The following DPH6 variants were observed in gnomAD, a reference collection of about 807,000 sequenced individuals.
The protein encoded by DPH6 is diphthamine biosynthesis 6.
Under a neutral mutation model 38.2 loss-of-function variants are expected in DPH6, and 33 were observed. The observed-to-expected ratio is 0.86, with a 90% confidence interval of 0.65 to 1.15. The LOEUF is 1.15. DPH6 is among the 50% of genes most tolerant of loss of function. The pLI is 0.00. For missense variants in DPH6, 325 were observed against 320.0 expected, an observed-to-expected ratio of 1.02 and a Z score of -0.12; for synonymous variants, 108 against 103.0, an observed-to-expected ratio of 1.05 and a Z score of -0.30.
At chr15:35,538,732 AT>A (rs1366781780) in intron 2 of DPH6, among the ~76,000 whole-genome samples, 6 of 152,196 alleles carry the variant, frequency 3.9e-5, no homozygotes, top group Non-Finnish European at 5.9e-5. Flanking sequence ...TGTACCATAT[AT>A]GGTAAACATT....
intron 3 of DPH6, among the ~76,000 whole-genome samples, chr15:35,351,622 G>C (rs538387136): frequency 6.6e-6 from 1 of 151,734 alleles, no homozygotes; most frequent in Non-Finnish European, 1.5e-5. Flanking sequence ...GGTTACATCA[G>C]TCTGTTTTAA....
At chr15:35,292,086 T>C (rs2051984091) in intron 3 of DPH6, among the ~76,000 whole-genome samples, 3 of 152,108 alleles carry the variant, frequency 2.0e-5, no homozygotes, top group Admixed American at 2.0e-4. Context: ...AAAGGAGAAG[T>C]AGTGTAAAAA....
At chr15:35,280,223 T>A (rs1392595950) in intron 3 of DPH6, among the ~76,000 whole-genome samples, 1 of 152,260 alleles carries the variant, frequency 6.6e-6, no homozygotes, top group African/African-American at 2.4e-5. Context: ...CAATTCATAG[T>A]AGCCTTCTGA....
At chr15:35,305,765 A>G (rs2052085575) in intron 3 of DPH6, among the ~76,000 whole-genome samples, 1 of 152,316 alleles carries the variant, frequency 6.6e-6, no homozygotes, top group African/African-American at 2.4e-5. Flanking sequence ...GCCATCAACC[A>G]GAAGACACAA....
chr15:35,520,914 C>T, intron 3 of DPH6: 1 of 985,192 alleles, frequency 1.0e-6, no homozygotes, highest in Non-Finnish European at 1.2e-6. Flanking sequence ...TTTTGTCACT[C>T]TCAAAATTCC....
chr15:35,461,584 C>T (rs78070523), intron 3 of DPH6, among the ~76,000 whole-genome samples: 3 of 139,370 alleles, frequency 2.2e-5, no homozygotes, highest in Admixed American at 1.4e-4. Flanking sequence ...TAGTTGTGAT[C>T]TTTTTTTTTT....
At chr15:35,445,813 A>G (rs953322742) in intron 5 of DPH6, among the ~76,000 whole-genome samples, 4 of 152,232 alleles carry the variant, frequency 2.6e-5, no homozygotes, top group Admixed American at 6.5e-5. Context: ...GCCAACTTAC[A>G]TTGCCACTGC....
chr15:35,200,212 G>C, the DPH6 span, among the ~76,000 whole-genome samples: 2 of 152,022 alleles, frequency 1.3e-5, no homozygotes, highest in Non-Finnish European at 2.9e-5. Context: ...TATAATTTAA[G>C]GGAGATTTGT....
downstream of DPH6, chr15:35,365,941 C>A: frequency 1.0e-6 from 1 of 985,268 alleles, no homozygotes; most frequent in Non-Finnish European, 1.2e-6. Context: ...TACCTTGCTC[C>A]ATCTTGACAA....
the DPH6 span, among the ~76,000 whole-genome samples, chr15:35,154,767 T>C: frequency 1.3e-5 from 2 of 152,182 alleles, no homozygotes; most frequent in South Asian, 2.1e-4. Context: ...CTTTTACTCA[T>C]AGTAGCCTTA....
At chr15:35,456,580 A>G (rs2054000377) in intron 3 of DPH6, among the ~76,000 whole-genome samples, 1 of 151,356 alleles carries the variant, frequency 6.6e-6, no homozygotes, top group African/African-American at 2.4e-5. Context: ...CTCCGCCTCC[A>G]GGGTTCAAGC....
intron 6 of DPH6, chr15:35,401,097 C>T: frequency 2.2e-6 from 2 of 902,186 alleles, no homozygotes; most frequent in Non-Finnish European, 3.7e-6. Flanking sequence ...GGGGCTTTGC[C>T]TTTGTAACCT....
At chr15:35,449,370 A>G (rs1187466767) in intron 5 of DPH6, among the ~76,000 whole-genome samples, 1 of 152,104 alleles carries the variant, frequency 6.6e-6, no homozygotes, top group Non-Finnish European at 1.5e-5. Flanking sequence ...GAAAGAACAC[A>G]CAATATCGGT....
rs189618694 is a variant in DPH6 at position 35,381,927 on chromosome 15, G to A, written c.568-11C>T. 1.6e-3 allele frequency: 2,542 copies of A among 1,593,610 alleles called. 4 individuals are homozygous for A. The highest frequency in any genetic ancestry group is 5.3e-3 in the Middle Eastern group (32 of 6,000). ...ATACTTCTTAGAAAGCTGAAAATAG[G>A]AAAACACAAAAAACAAGAAAGAAGT... On this transcript the variant is annotated splice_polypyrimidine_tract_variant and intron_variant, in intron 6 of 8. Coordinates refer to ENST00000256538, the MANE Select transcript of DPH6 (RefSeq NM_080650.4).
rs115413905 is a variant in DPH6, at chr15:35,436,588, A to G, written c.505+14097T>C. On this transcript the variant is annotated intron_variant, in intron 5 of 8. Coordinates refer to ENST00000256538, the MANE Select transcript of DPH6 (RefSeq NM_080650.4). ...GAAAGAGACTCCATCTCATAAAAGAAAAAGTTTCTCTCCTGTTGGAGAAAT... is the reference window on the plus strand; with the variant it reads ...GAAAGAGACTCCATCTCATAAAAGAGAAAGTTTCTCTCCTGTTGGAGAAAT... Among the ~76,000 whole-genome samples, 457 of 151,906 alleles carry G rather than the reference A, an allele frequency of 3.0e-3. 2 individuals carry two copies. Among genetic ancestry groups the G allele is most frequent in the African/African-American group, 0.01 (434 of 41,504 alleles).
At chr15:35,289,800 C>T (rs1455371662) in intron 3 of DPH6, among the ~76,000 whole-genome samples, 2 of 152,280 alleles carry the variant, frequency 1.3e-5, no homozygotes, top group South Asian at 2.1e-4. Context: ...GTTTTAAATA[C>T]ATGTAATGCA....
At chr15:35,214,899 C>A (rs544087905), downstream of DPH6, among the ~76,000 whole-genome samples, 1 of 152,286 alleles carries the variant, frequency 6.6e-6, no homozygotes, top group Non-Finnish European at 1.5e-5. Flanking sequence ...TGAGCCACCA[C>A]GCTTGGCCCT....
In DPH6 at chr15:35,542,965, T is replaced by TATATATATATATA. The variant is rs58422347; in HGVS notation, c.24-459_24-458insTATATATATATAT. 1.4e-4 allele frequency among the ~76,000 whole-genome samples: 11 copies of TATATATATATATA among 76,168 alleles called. No individual in the cohort carries two copies. The East Asian group carries it at 4.7e-3, about 32-fold the overall frequency. 50.0% of individuals were successfully genotyped at this position (76,168 alleles called of 152,430 possible). A position where few individuals can be genotyped will look rare whatever the true frequency, so the allele number is the denominator to read the frequency against. ...TAAGGAATATATATATATATATATA[T>TATATATATATATA]AAAATAATTTCATAGAAATTATTGG... On this transcript the variant is annotated intron_variant, in intron 1 of 8. Coordinates refer to ENST00000256538, the MANE Select transcript of DPH6 (RefSeq NM_080650.4).
At chr15:35,272,252 A>G (rs2051826878) in intron 3 of DPH6, among the ~76,000 whole-genome samples, 1 of 152,212 alleles carries the variant, frequency 6.6e-6, no homozygotes, top group African/African-American at 2.4e-5. Context: ...GGATGTATAT[A>G]GGTTATGTGC....
Sources: gnomAD v4.1 joint callset for allele counts (sites outside exome capture counted in the v4.1 genomes callset) on GRCh38, gnomAD v4.1.1 for gene constraint, MANE v1.5 for transcripts, NCBI Gene and HGNC (gene_info 2026-07-23, HGNC 2026-07-21) for gene names.